The following PIGF variants were observed in gnomAD, a reference collection of about 807,000 sequenced individuals.
PIGF encodes the protein phosphatidylinositol glycan anchor biosynthesis class F.
PIGF carries 23 observed loss-of-function variants against 26.0 expected under a neutral mutation model. The ratio of observed to expected loss-of-function variants is 0.88; its 90% CI spans 0.64 to 1.25. The LOEUF (loss-of-function observed/expected upper bound fraction) is 1.25, where lower values mean the gene tolerates loss of function less well. PIGF is among the 50% of genes most tolerant of loss of function. The probability of loss-of-function intolerance (pLI) is 0.00; values close to 1 mark genes in which losing one functional copy is unlikely to be tolerated. For missense variants in PIGF, 278 were observed against 249.9 expected, an observed-to-expected ratio of 1.11 and a Z score of -0.76; for synonymous variants, 93 against 92.6, an observed-to-expected ratio of 1.00 and a Z score of -0.03.
chr2:46,590,693 GA>G (rs1400307614), intron 5 of PIGF, among the ~76,000 whole-genome samples: 3 of 152,068 alleles, frequency 2.0e-5, no homozygotes, highest in African/African-American at 7.2e-5. Flanking sequence ...CTCCAATTTA[GA>G]AATCACTGAC....
intron 4 of PIGF, among the ~76,000 whole-genome samples, chr2:46,607,833 T>C (rs1261197801): frequency 6.6e-6 from 1 of 152,144 alleles, no homozygotes; most frequent in Non-Finnish European, 1.5e-5. Context: ...TAGCTGGGAT[T>C]ACAGGGGCCT....
At chr2:46,602,134 A>G (rs192173938) in intron 4 of PIGF, among the ~76,000 whole-genome samples, 146 of 152,140 alleles carry the variant, frequency 9.6e-4, no homozygotes, top group Admixed American at 9.6e-3. Context: ...AGCTGGCAGA[A>G]TATTTTAAGA....
At chr2:46,591,495 A>AT in intron 5 of PIGF, 4 of 833,926 alleles carry the variant, frequency 4.8e-6, no homozygotes, top group Non-Finnish European at 5.8e-6. Flanking sequence ...AAGCACATTT[A>AT]TTTTTTAATA....
intron 4 of PIGF, among the ~76,000 whole-genome samples, chr2:46,596,151 T>C (rs1572773899): frequency 6.6e-6 from 1 of 151,084 alleles, no homozygotes; most frequent in Admixed American, 6.6e-5. Context: ...GAGGCGGAGG[T>C]TGTCGTGAGC....
chr2:46,609,238 A>C (rs1670323895), intron 4 of PIGF, among the ~76,000 whole-genome samples: 1 of 152,238 alleles, frequency 6.6e-6, no homozygotes, highest in African/African-American at 2.4e-5. Flanking sequence ...CTCATGAATC[A>C]ACCACTGCTA....
chr2:46,605,288 T>C (rs972221117), intron 4 of PIGF, among the ~76,000 whole-genome samples: 2 of 152,088 alleles, frequency 1.3e-5, no homozygotes, highest in African/African-American at 4.8e-5. Context: ...GTGAACTAAC[T>C]CTAGTGTATG....
At chr2:46,591,869 T>G (rs777089318) in intron 5 of PIGF, 373 of 1,303,684 alleles carry the variant, frequency 2.9e-4, no homozygotes, top group Non-Finnish European at 3.5e-4. Flanking sequence ...ATCTGATGTT[T>G]GTGAGCTTTC....
At chr2:46,616,785 G>A in intron 1 of PIGF, 185 bp downstream of exon 1, 1 of 184,874 alleles carries the variant, frequency 5.4e-6, no homozygotes, top group Non-Finnish European at 1.2e-5. Context: ...GGAAAACTGG[G>A]GGACAGAGGC....
At chr2:46,596,276 GCTAAGAGGCAAAATC>G (rs1669882984) in intron 4 of PIGF, among the ~76,000 whole-genome samples, 2 of 151,584 alleles carry the variant, frequency 1.3e-5, no homozygotes, top group Non-Finnish European at 2.9e-5. Flanking sequence ...AGTTCCTTGG[GCTAAGAGGCAAAATC>G]CATGCCTTCA....
chr2:46,613,652 A>G, intron 3 of PIGF, 42 bp downstream of exon 3: 8 of 1,395,590 alleles, frequency 5.7e-6, no homozygotes, highest in Non-Finnish European at 7.7e-6. Context: ...TGGTAAATGA[A>G]TGTTTTAAAA....
chr2:46,603,108 A>G (rs1458350257), intron 4 of PIGF, among the ~76,000 whole-genome samples: 1 of 152,066 alleles, frequency 6.6e-6, no homozygotes, highest in Non-Finnish European at 1.5e-5. Flanking sequence ...AATCCCATTT[A>G]TAACAGCTAC....
chr2:46,591,893 C>T (rs568171359), intron 5 of PIGF: 4 of 1,303,824 alleles, frequency 3.1e-6, no homozygotes, highest in South Asian at 2.5e-5. Context: ...ATAACACAGG[C>T]CGCTGCTGCA....
rs565349060 is a variant in PIGF, at chr2:46,581,482, T to C, written c.656A>G (p.Asn219Ser). The change falls in exon 6 of 6, where the codon AAT (asparagine) becomes AGT (serine). Residue 219 changes from asparagine to serine, a missense_variant. Asn to Ser is a conservative substitution (Grantham distance 46). Coordinates refer to ENST00000281382, the MANE Select transcript of PIGF (RefSeq NM_002643.4). ...AAATATCTCCCTTTGCTCCAGTTAA[T>C]TGTTCTTGTATGTAAGTTGCTTTCT... ...WNRKQLTYKN[N>S] 1.3e-5 allele frequency: 21 copies of C among 1,610,892 alleles called. No homozygotes were observed. The East Asian group carries it at 4.2e-4, about 33-fold the overall frequency.
At chr2:46,604,357 T>C (rs1374410237) in intron 4 of PIGF, among the ~76,000 whole-genome samples, 2 of 152,032 alleles carry the variant, frequency 1.3e-5, no homozygotes, top group Admixed American at 1.3e-4. Flanking sequence ...TTGCTAGGTA[T>C]ATACCCAAAA....
intron 4 of PIGF, among the ~76,000 whole-genome samples, chr2:46,597,564 C>A (rs1236998847): frequency 6.6e-6 from 1 of 152,146 alleles, no homozygotes; most frequent in East Asian, 1.9e-4. Context: ...AGGCGCCTGC[C>A]ACCATGCCCA....
At chr2:46,592,604 C>T (rs751731146) in intron 4 of PIGF, 21 bp from the exon 5 acceptor site, 9 of 1,262,410 alleles carry the variant, frequency 7.1e-6, no homozygotes, top group Admixed American at 1.7e-5. Context: ...CAAATTGGTA[C>T]ATCGTTGGTG....
chr2:46,587,980 C>A, intron 5 of PIGF: 1 of 1,004,850 alleles, frequency 1.0e-6, no homozygotes, highest in Non-Finnish European at 1.3e-6. Flanking sequence ...AATCTTAAGT[C>A]TCCCTCTTCC....
At chr2:46,582,364 C>T (rs1572763408) in intron 5 of PIGF, 1 of 151,436 alleles carries the variant, frequency 6.6e-6, no homozygotes, top group South Asian at 2.1e-4. Context: ...CATTTCTAAT[C>T]TTTCTCTGGG....
rs1669363014 is a variant in PIGF at position 46,581,354 on chromosome 2, A to T, written c.*124T>A. The T allele has an allele frequency of 9.2e-6, 13 of 1,420,588 alleles. No individual in the cohort carries two copies. The highest frequency in any genetic ancestry group is 1.2e-5 in the Non-Finnish European group (13 of 1,064,726). The allele number at this position is 1,420,588 out of a possible 1,614,324, so 88.0% of individuals were successfully genotyped here. On this transcript the variant is annotated 3_prime_UTR_variant, in exon 6 of 6. Coordinates refer to ENST00000281382, the MANE Select transcript of PIGF (RefSeq NM_002643.4). ...GGGGTTTCATAGTTTAAAAAGCTAC[A>T]ATCACATCATGTTGTAACTACGTAA...
Sources: allele counts gnomAD v4.1 joint callset (sites outside exome capture counted in the v4.1 genomes callset), GRCh38; gene constraint gnomAD v4.1.1; transcripts MANE v1.5; gene names NCBI Gene and HGNC (gene_info 2026-07-23, HGNC 2026-07-21).